SDK2: variants seen among roughly 807,000 people sequenced by gnomAD.
SDK2 encodes sidekick cell adhesion molecule 2.
SDK2 carries 105 observed loss-of-function variants against 253.9 expected under a neutral mutation model. The observed-to-expected ratio is 0.41, with a 90% CI of 0.35 to 0.49. The LOEUF is 0.49. Ranked by LOEUF, SDK2 falls within the 20% of genes least tolerant of loss-of-function variation. The pLI is 0.06. For missense variants in SDK2, 2,608 were observed against 3,003.0 expected (o/e 0.87, Z 3.07); for synonymous variants, 1,249 against 1,234.9 (o/e 1.01, Z -0.24).
At chr17:73,436,586 A>G (rs2063371001) in intron 8 of SDK2, among the ~76,000 whole-genome samples, 1 of 145,456 alleles carries the variant, frequency 6.9e-6, no homozygotes, top group African/African-American at 2.5e-5. Flanking sequence ...CAAAAAAAAA[A>G]AAAAAAAAAA....
chr17:73,382,093 T>A (rs967198151), intron 33 of SDK2, among the ~76,000 whole-genome samples: 1 of 151,738 alleles, frequency 6.6e-6, no homozygotes, highest in African/African-American at 2.4e-5. Context: ...GTGTGCGCCG[T>A]TAATCCCAGC....
chr17:73,512,613 T>A (rs2063990132), intron 1 of SDK2, among the ~76,000 whole-genome samples: 1 of 152,060 alleles, frequency 6.6e-6, no homozygotes, highest in South Asian at 2.1e-4. Flanking sequence ...GCAAAGTGAT[T>A]CTACAGTTCA....
rs1359655167 is a variant in SDK2, at chr17:73,424,082, C to T, written c.1594G>A (p.Glu532Lys). ...DPRVTIRYIW[E>K]KDGATLGTES... ...GTGCCCAGGGTGGCCCCGTCCTTCT[C>T]CCAGATGTACCTAAAAGTAAGAAGA... Residue 532 changes from glutamate (E) to lysine (K), a missense_variant, in exon 13 of 45, where the codon GAG becomes AAG. Glu to Lys is a moderately conservative substitution (Grantham distance 56). Around this residue, in one of 2 missense-constraint regions of SDK2, gnomAD observed 1,505 missense variants for 1,859.1 expected, o/e 0.81. Transcript: ENST00000392650. The T allele has an allele frequency of 3.1e-6, 5 of 1,611,636 alleles. No homozygotes were observed. In the South Asian group the frequency reaches 3.3e-5, roughly 11 times the overall value.
intron 1 of SDK2, among the ~76,000 whole-genome samples, chr17:73,508,759 T>G (rs1316125097): frequency 2.0e-5 from 3 of 152,164 alleles, no homozygotes; most frequent in Non-Finnish European, 4.4e-5. Context: ...ACAGACAGCT[T>G]CAGAGCTGGA....
chr17:73,448,041 TG>T (rs2063466272), intron 4 of SDK2, among the ~76,000 whole-genome samples: 1 of 152,168 alleles, frequency 6.6e-6, no homozygotes, highest in African/African-American at 2.4e-5. Context: ...ACCCCAAGAC[TG>T]GGCAAGGGGC....
Position 73,361,997 on chromosome 17 carries a change from CACAACCACATTGCCCATGCTG to C in SDK2, c.5306-173_5306-153del, listed in dbSNP as rs748187811. Among the ~76,000 whole-genome samples, 3 of 152,198 alleles carry C rather than the reference CACAACCACATTGCCCATGCTG, an allele frequency of 2.0e-5. No individual in the cohort carries two copies. The highest frequency in any genetic ancestry group is 4.4e-5 in the Non-Finnish European group (3 of 68,032). The stretch of plus-strand genomic sequence containing the variant: ...CAGGCTGAAATGCACCCCCAGCCCA[CACAACCACATTGCCCATGCTG>C]TGTTTCTCACAGCACGGTCCTGCCT... On this transcript the variant is annotated intron_variant, in intron 38 of 44. Coordinates refer to ENST00000392650, the MANE Select transcript of SDK2 (RefSeq NM_001144952.2). The surrounding 1 kb of genome is among the most constrained non-coding windows in gnomAD (Gnocchi z 4.1).
chr17:73,588,198 C>G (rs775685881), intron 1 of SDK2, among the ~76,000 whole-genome samples: 1 of 54,892 alleles, frequency 1.8e-5, no homozygotes, highest in Admixed American at 1.5e-4. Context: ...CATGGAGAGA[C>G]CCCCCCCCCT....
chr17:73,380,919 G>A lies in SDK2; in HGVS notation c.4737C>T (p.Pro1579=), dbSNP rs2062825001. The change falls in exon 34 of 45, where the codon CCC becomes CCT. Residue 1579 remains proline (P), a synonymous_variant. Transcript: ENST00000392650. ...SMYSMRNLSR[P]SLTQYELDNL... ...TGTCCAGCTCGTACTGCGTGAGGCT[G>A]GGCCGGCTCAGGTTCCGCATGGAGT... The A allele has an allele frequency of 1.3e-6, 2 of 1,569,184 alleles. No individual in the cohort carries two copies. The highest frequency in any genetic ancestry group is 1.9e-5 in the Admixed American group (1 of 53,428).
intron 22 of SDK2, 66 bp from the exon 23 acceptor site, chr17:73,398,495 A>G: frequency 7.3e-7 from 1 of 1,366,646 alleles, no homozygotes; most frequent in African/African-American, 1.4e-5. Flanking sequence ...TCCGAGCCCC[A>G]GTACAAGCCC....
chr17:73,558,728 A>G (rs903943939), intron 1 of SDK2, among the ~76,000 whole-genome samples: 2 of 152,136 alleles, frequency 1.3e-5, no homozygotes, highest in Non-Finnish European at 2.9e-5. Flanking sequence ...TCAGTGCCCA[A>G]GTTAACAGAA....
At chr17:73,468,837 T>C (rs1441564630) in intron 3 of SDK2, among the ~76,000 whole-genome samples, 1 of 144,958 alleles carries the variant, frequency 6.9e-6, no homozygotes, top group African/African-American at 2.6e-5. Context: ...ATTTTTATTT[T>C]TTTTTGAGAT....
Position 73,438,148 on chromosome 17 carries a change from C to G in SDK2, c.732G>C (p.Leu244=). ...TCTTCCAAATGATATGTAGCTTGAT[C>G]AGGGGCCTGCAGAGGGCAAGGGAAG... ...TLECVANARP[L]IKLHIIWKKD... The change falls in exon 7 of 45, where the codon CTG becomes CTC. Residue 244 remains leucine, a synonymous_variant. Transcript: ENST00000392650. 6.4e-7 allele frequency: 1 copy of G among 1,550,404 alleles called. No homozygotes were observed. The highest frequency in any genetic ancestry group is 8.7e-7 in the Non-Finnish European group (1 of 1,146,148).
chr17:73,541,022 C>T lies in SDK2; in HGVS notation c.65-33425G>A, dbSNP rs1244132895. 6.6e-6 allele frequency among the ~76,000 whole-genome samples: 1 copy of T among 152,294 alleles called. No individual in the cohort carries two copies. Reference sequence around the variant, plus strand: ...AGCACTTTCCTGGCAAATGTGGTCTCGGCCATCAAGCTGCCAATGGTAAGC... The same window carrying T: ...AGCACTTTCCTGGCAAATGTGGTCTTGGCCATCAAGCTGCCAATGGTAAGC... On this transcript the variant is annotated intron_variant, in intron 1 of 44. Transcript: ENST00000392650. This position sits in a 1 kb window ranked among gnomAD's most constrained non-coding sequence, Gnocchi z 4.3.
In SDK2 at chr17:73,352,590, T is replaced by C. The variant is rs2145400620; in HGVS notation, c.5641A>G (p.Ser1881Gly). ...ILIKDIPKEV[S>G]SYTFSMDILK... The stretch of plus-strand genomic sequence containing the variant: ...ATGTCCATGCTGAACGTGTAGGAGC[T>C]CACCTCCTTGGGGATGTCTTTGATG... Residue 1881 changes from serine (S) to glycine (G), a missense_variant, in exon 41 of 45, where the codon AGC (serine) becomes GGC (glycine). By Grantham distance (56) the Ser-to-Gly change is moderately conservative. Around this residue, in one of 2 missense-constraint regions of SDK2, gnomAD observed 1,103 missense variants for 1,143.9 expected, o/e 0.96. Transcript: ENST00000392650. This position sits in a 1 kb window ranked among gnomAD's most constrained non-coding sequence, Gnocchi z 4.1. The C allele has an allele frequency of 6.2e-7, 1 of 1,614,022 alleles. No individual in the cohort carries two copies. Among genetic ancestry groups the C allele is most frequent in the Non-Finnish European group, 8.5e-7 (1 of 1,179,882 alleles).
intron 1 of SDK2, among the ~76,000 whole-genome samples, chr17:73,510,725 C>T (rs1393661468): frequency 1.3e-5 from 2 of 152,116 alleles, no homozygotes; most frequent in African/African-American, 2.4e-5. Context: ...AACTCCTGAC[C>T]TCAAATGATC....
In SDK2 at chr17:73,385,913, G is replaced by A. The variant is rs1198336911; in HGVS notation, c.4503C>T (p.Pro1501=). ...CGGAGAGGATGGTGGGTGCTTCATC[G>A]GGGGCTGTGGAGAGAAGCAGACAGG... The part of the protein sequence containing the change: ...SESLTTLQAA[P]DEAPTILSVT... Residue 1501 remains proline, a synonymous_variant, in exon 32 of 45, where the codon CCC becomes CCT. Transcript: ENST00000392650. 6.9e-6 allele frequency: 11 copies of A among 1,602,044 alleles called. No homozygotes were observed. Among genetic ancestry groups the A allele is most frequent in the African/African-American group, 2.7e-5 (2 of 74,894 alleles).
intron 12 of SDK2, among the ~76,000 whole-genome samples, chr17:73,428,266 A>G (rs967957541): frequency 6.6e-6 from 1 of 151,356 alleles, no homozygotes; most frequent in African/African-American, 2.4e-5. Flanking sequence ...GGGTTTCACC[A>G]TGTTGGACAG....
intron 1 of SDK2, chr17:73,517,929 A>G (rs2064042560): frequency 6.6e-6 from 1 of 152,342 alleles, no homozygotes; most frequent in African/African-American, 2.4e-5. Flanking sequence ...CTCAAATGCC[A>G]TGCCCTCTGT....
At chr17:73,380,561 C>T (rs982235227) in intron 34 of SDK2, among the ~76,000 whole-genome samples, 1 of 152,170 alleles carries the variant, frequency 6.6e-6, no homozygotes, top group South Asian at 2.1e-4. Context: ...GCAGCAACCA[C>T]GTGGACACCT....
Sources: allele counts gnomAD v4.1 joint callset (sites outside exome capture counted in the v4.1 genomes callset), GRCh38; gene constraint gnomAD v4.1.1; regional missense constraint gnomAD v4.1.1; non-coding constraint Gnocchi (gnomAD v3.1); transcripts MANE v1.5; gene names NCBI Gene and HGNC (gene_info 2026-07-23, HGNC 2026-07-21).